SEMA5A: variants seen among roughly 807,000 people sequenced by gnomAD.
SEMA5A encodes the protein semaphorin-5A.
SEMA5A carries 55 observed loss-of-function variants against 135.5 expected under a neutral mutation model. The ratio of observed to expected loss-of-function variants is 0.41; its 90% confidence interval spans 0.33 to 0.51. The LOEUF is 0.51. SEMA5A is among the 20% of genes least tolerant of loss of function. SEMA5A has a pLI of 0.37. For missense variants in SEMA5A, 1,290 were observed against 1,419.9 expected, an observed-to-expected ratio of 0.91 and a Z score of 1.47; for synonymous variants, 580 against 546.5, an observed-to-expected ratio of 1.06 and a Z score of -0.85.
At chr5:9,327,002 A>C (rs1752909811) in intron 4 of SEMA5A, among the ~76,000 whole-genome samples, 1 of 152,194 alleles carries the variant, frequency 6.6e-6, no homozygotes, top group South Asian at 2.1e-4. Flanking sequence ...GTCGACTCTA[A>C]GTAAATTCTA....
intron 1 of SEMA5A, among the ~76,000 whole-genome samples, chr5:9,462,852 G>T (rs1554038447): frequency 6.6e-6 from 1 of 151,960 alleles, no homozygotes; most frequent in Non-Finnish European, 1.5e-5. Context: ...GGAGACAGGG[G>T]ATCTGAAAAA....
In SEMA5A at chr5:9,044,516, G is replaced by A; in HGVS notation, c.2962C>T (p.Leu988Phe). The change falls in exon 22 of 23, where the codon CTC becomes TTC. Residue 988 changes from leucine (L) to phenylalanine (F), a missense_variant. Physicochemically the swap from Leu to Phe is conservative, Grantham distance 22. Around this residue, in one of 3 missense-constraint regions of SEMA5A, gnomAD observed 1,029 missense variants for 1,086.6 expected, o/e 0.95. Coordinates refer to ENST00000382496, the MANE Select transcript of SEMA5A (RefSeq NM_003966.3). ...TACCGCTGGCAGTAAGTATAGACGA[G>A]CAGGGTGAGGAGGCAGCCGAGGATG... The part of the protein sequence containing the change: ...SSILGCLLTL[L>F]VYTYCQRYQQ... 6.2e-7 allele frequency: 1 copy of A among 1,614,056 alleles called. No homozygotes were observed.
chr5:9,267,424 T>A (rs1749741866), intron 5 of SEMA5A, among the ~76,000 whole-genome samples: 1 of 152,184 alleles, frequency 6.6e-6, no homozygotes, highest in Non-Finnish European at 1.5e-5. Context: ...AAGTTCTTCC[T>A]TAAACTGAGT....
chr5:9,244,514 G>A (rs1019487754), intron 5 of SEMA5A, among the ~76,000 whole-genome samples: 12 of 152,080 alleles, frequency 7.9e-5, no homozygotes, highest in Admixed American at 3.3e-4. Context: ...TGAGCTCCTC[G>A]CTGGACCCTA....
At chr5:9,414,487 AAATAGAT>A (rs1757216594) in intron 2 of SEMA5A, among the ~76,000 whole-genome samples, 1 of 152,198 alleles carries the variant, frequency 6.6e-6, no homozygotes, top group Non-Finnish European at 1.5e-5. Flanking sequence ...GATCCTGCAT[AAATAGAT>A]GGAAATAGGT....
At chr5:9,384,571 CATAG>C (rs1170217920) in intron 2 of SEMA5A, among the ~76,000 whole-genome samples, 8,926 of 80,144 alleles carry the variant, frequency 0.11, 668 homozygotes, top group African/African-American at 0.16. Flanking sequence ...TAGATAGATA[CATAG>C]ATAGATAGAT....
intron 11 of SEMA5A, among the ~76,000 whole-genome samples, chr5:9,172,388 T>A (rs893344457): frequency 6.6e-6 from 1 of 152,220 alleles, no homozygotes; most frequent in African/African-American, 2.4e-5. Flanking sequence ...AACTATTTTT[T>A]TCACTATGAA....
Position 9,466,637 on chromosome 5 carries a change from C to T in SEMA5A, c.-174-28785G>A, listed in dbSNP as rs555360855. On this transcript the variant is annotated intron_variant, in intron 1 of 22. Coordinates refer to ENST00000382496, the MANE Select transcript of SEMA5A (RefSeq NM_003966.3). ...AGACAAAGATAAGGAAATCCAATTA[C>T]CAAAAAGTCATTAAATGAATACAAT... Among the ~76,000 whole-genome samples the T allele has an allele frequency of 1.7e-4, 26 of 152,240 alleles. 1 individual carries two copies. The Middle Eastern group carries it at 0.017, about 100-fold the overall frequency.
intron 13 of SEMA5A, among the ~76,000 whole-genome samples, chr5:9,129,274 G>C (rs1741277866): frequency 6.6e-6 from 1 of 152,250 alleles, no homozygotes; most frequent in African/African-American, 2.4e-5. Context: ...ATCACAGTGA[G>C]AACACACAGC....
intron 1 of SEMA5A, among the ~76,000 whole-genome samples, chr5:9,469,532 T>C (rs1271221650): frequency 1.3e-5 from 2 of 152,086 alleles, no homozygotes; most frequent in African/African-American, 4.8e-5. Flanking sequence ...CATTTCACAT[T>C]TGAGAAAAAT....
chr5:9,122,842 G>A lies in SEMA5A; in HGVS notation c.1600-5C>T, dbSNP rs765327080. On this transcript the variant is annotated splice_polypyrimidine_tract_variant and splice_region_variant and intron_variant, in intron 13 of 22. Transcript: ENST00000382496. Reference sequence around the variant, plus strand: ...ATCCACGGTGAGATTCCTGGTCTAGGAAGCAAAACCAAGCAGAGGTGTCAG... The same window carrying A: ...ATCCACGGTGAGATTCCTGGTCTAGAAAGCAAAACCAAGCAGAGGTGTCAG... 1.1e-5 allele frequency: 18 copies of A among 1,587,528 alleles called. No individual in the cohort carries two copies. The South Asian group carries it at 2.0e-4, about 18-fold the overall frequency.
At chr5:9,540,236 C>T (rs1472721074) in intron 1 of SEMA5A, among the ~76,000 whole-genome samples, 2 of 152,146 alleles carry the variant, frequency 1.3e-5, no homozygotes, top group Non-Finnish European at 2.9e-5. Context: ...CCTAAGCTGA[C>T]ATTCTGTATC....
intron 14 of SEMA5A, among the ~76,000 whole-genome samples, chr5:9,121,070 G>A (rs1357741088): frequency 6.6e-6 from 1 of 152,142 alleles, no homozygotes; most frequent in East Asian, 1.9e-4. Context: ...GAGCGACCAT[G>A]CCAGGCCACA....
chr5:9,179,324 C>T (rs367745083), intron 11 of SEMA5A, among the ~76,000 whole-genome samples: 37 of 152,252 alleles, frequency 2.4e-4, no homozygotes, highest in African/African-American at 8.4e-4. Flanking sequence ...CTACTGAGGG[C>T]AACTTCCAGT....
intron 6 of SEMA5A, among the ~76,000 whole-genome samples, chr5:9,232,617 T>C (rs970592206): frequency 6.6e-6 from 1 of 152,234 alleles, no homozygotes; most frequent in Non-Finnish European, 1.5e-5. Context: ...CATATACATA[T>C]ATTACGTGCT....
intron 2 of SEMA5A, among the ~76,000 whole-genome samples, chr5:9,428,451 A>G (rs1561245501): frequency 2.0e-5 from 3 of 152,206 alleles, no homozygotes; most frequent in Non-Finnish European, 4.4e-5. Flanking sequence ...CCAGGAAGGA[A>G]GTGATACCGA....
chr5:9,145,656 T>G (rs1306797502), intron 12 of SEMA5A, among the ~76,000 whole-genome samples: 1 of 150,778 alleles, frequency 6.6e-6, no homozygotes, highest in Non-Finnish European at 1.5e-5. Flanking sequence ...TTTTTTTTTT[T>G]TTTTTAGATG....
chr5:9,062,610 C>T (rs1330456683), intron 18 of SEMA5A, among the ~76,000 whole-genome samples: 5 of 152,106 alleles, frequency 3.3e-5, no homozygotes, highest in African/African-American at 1.2e-4. Flanking sequence ...GGACTACAGG[C>T]GTGCACTAAC....
intron 4 of SEMA5A, among the ~76,000 whole-genome samples, chr5:9,333,036 A>G (rs186542675): frequency 6.6e-6 from 1 of 152,306 alleles, no homozygotes; most frequent in Admixed American, 6.5e-5. Context: ...TTTATATTAC[A>G]CTCAAGCTTT....
Sources: allele counts gnomAD v4.1 joint callset (sites outside exome capture counted in the v4.1 genomes callset), GRCh38; gene constraint gnomAD v4.1.1; regional missense constraint gnomAD v4.1.1; transcripts MANE v1.5; gene names NCBI Gene and HGNC (gene_info 2026-07-23, HGNC 2026-07-21).